The following TRRAP variants were observed in gnomAD, a reference collection of about 807,000 sequenced individuals.
TRRAP encodes the protein transformation/transcription domain-associated protein.
Under a neutral mutation model 438.8 loss-of-function variants are expected in TRRAP, and 41 were observed. The ratio of observed to expected loss-of-function variants is 0.09; its 90% CI spans 0.07 to 0.12. The LOEUF is 0.12. Among genes scored for constraint, TRRAP ranks in the 10% least tolerant of loss-of-function variants. The pLI is 1.00. For synonymous variants in TRRAP, 1,994 were observed against 1,962.9 expected (o/e 1.02, Z -0.42); for missense variants, 3,122 against 5,055.1 (o/e 0.62, Z 11.60).
At chr7:98,936,187 T>C (rs1342604716) in intron 28 of TRRAP, among the ~76,000 whole-genome samples, 1 of 152,244 alleles carries the variant, frequency 6.6e-6, no homozygotes, top group African/African-American at 2.4e-5. Context: ...TGAAGGTGAA[T>C]ACCCAATACA....
At chr7:98,990,697 G>A in intron 64 of TRRAP, 78 bp downstream of exon 64, 2 of 1,483,054 alleles carry the variant, frequency 1.3e-6, no homozygotes, top group Non-Finnish European at 1.8e-6. Flanking sequence ...CTCCCAGAAA[G>A]TAAATTTGAG....
Position 99,011,250 on chromosome 7 carries a change from G to T in TRRAP, c.11137G>T (p.Ala3713Ser). 1 of 1,614,146 alleles carries T rather than the reference G, an allele frequency of 6.2e-7. No individual in the cohort carries two copies. Among genetic ancestry groups the T allele is most frequent in the Non-Finnish European group, 8.5e-7 (1 of 1,180,028 alleles). Residue 3713 changes from alanine to serine, a missense_variant, in exon 71 of 73, where the codon GCT (alanine) becomes TCT (serine). By Grantham distance (99) the Ala-to-Ser change is moderately conservative (BLOSUM62 1). Transcript: ENST00000456197. The surrounding 1 kb of genome is among the most constrained non-coding windows in gnomAD (Gnocchi z 7.1). ...ACTCAACCCCGAGATGTTACAGATC[G>T]CTCAGGTAACCTGCTTTGAACAGCC... ...NRLNPEMLQI[A>S]QDTGKLNVAY...
intron 67 of TRRAP, among the ~76,000 whole-genome samples, chr7:99,003,099 T>TC (rs1487046335): frequency 6.6e-6 from 1 of 152,050 alleles, no homozygotes; most frequent in Non-Finnish European, 1.5e-5. Flanking sequence ...TCCTCGTGGC[T>TC]CCCCCAGGGC....
Position 98,994,590 on chromosome 7 carries a change from C to T in TRRAP, c.10051C>T (p.Leu3351Phe), listed in dbSNP as rs2116814869. The change falls in exon 67 of 73, where the codon CTC becomes TTC. Residue 3351 changes from leucine (L) to phenylalanine (F), a missense_variant. Transcript: ENST00000456197. The surrounding 1 kb of genome is among the most constrained non-coding windows in gnomAD (Gnocchi z 4.8). ...WFRENWHEEV[L>F]RQLQQGLAKC... ...GTCTCTGGCTCTTTTCTACCAGGTT[C>T]TCAGGCAGCTCCAACAGGGCCTGGC... is the stretch of plus-strand genomic sequence containing the variant. The T allele has an allele frequency of 9.3e-6, 15 of 1,614,054 alleles. No homozygotes were observed. Among genetic ancestry groups the T allele is most frequent in the Non-Finnish European group, 1.3e-5 (15 of 1,179,998 alleles).
intron 70 of TRRAP, among the ~76,000 whole-genome samples, chr7:99,008,928 T>G (rs1300154219): frequency 6.6e-6 from 1 of 152,204 alleles, no homozygotes. Flanking sequence ...GTTTATAGGC[T>G]TCATTCATCC....
At position 98,961,292 on chromosome 7, in the gene TRRAP, T is replaced by A; in HGVS notation, c.6521T>A (p.Ile2174Asn). The A allele has an allele frequency of 6.2e-7, 1 of 1,614,212 alleles. No individual in the cohort carries two copies. Among genetic ancestry groups the A allele is most frequent in the Non-Finnish European group, 8.5e-7 (1 of 1,180,030 alleles). Residue 2174 changes from isoleucine to asparagine, a missense_variant, in exon 46 of 73, where the codon ATC becomes AAC. By Grantham distance (149) the Ile-to-Asn change is moderately radical. Around this residue, in one of 24 missense-constraint regions of TRRAP, gnomAD observed 992 missense variants for 1,281.2 expected, o/e 0.77. Coordinates refer to ENST00000456197, the MANE Select transcript of TRRAP (RefSeq NM_001375524.1). ...CCAAACCAAGTGAACTATGGGAATA[T>A]CTGCACGGGCCTAGAAGTGCTGAGC... ...EQPNQVNYGN[I>N]CTGLEVLSFL...
intron 20 of TRRAP, among the ~76,000 whole-genome samples, chr7:98,918,133 AAG>A (rs1177543119): frequency 6.6e-6 from 1 of 151,702 alleles, no homozygotes; most frequent in South Asian, 2.1e-4. Context: ...AAAAAAAAAA[AAG>A]AGGAAATGTG....
intron 37 of TRRAP, 101 bp downstream of exon 37, chr7:98,949,942 G>T (rs1196764297): frequency 1.9e-6 from 3 of 1,565,918 alleles, no homozygotes; most frequent in Non-Finnish European, 2.6e-6. Context: ...CATTGGATGC[G>T]TGCAGTCAGA....
At position 99,004,292 on chromosome 7, in the gene TRRAP, A is replaced by G; in HGVS notation, c.10412A>G (p.Lys3471Arg). Residue 3471 changes from lysine to arginine, a missense_variant, in exon 68 of 73, where the codon AAA (lysine) becomes AGA (arginine). By Grantham distance (26) the Lys-to-Arg change is conservative. Around this residue, in one of 24 missense-constraint regions of TRRAP, gnomAD observed 107 missense variants for 327.5 expected, o/e 0.33. Coordinates refer to ENST00000456197, the MANE Select transcript of TRRAP (RefSeq NM_001375524.1). ...GAGGCCAAGACCAAGCAACTCCCCAAATTCTTCCTCATAGAGGAAAAGTGC... is the reference window on the plus strand; with the variant it reads ...GAGGCCAAGACCAAGCAACTCCCCAGATTCTTCCTCATAGAGGAAAAGTGC... ...ILEAKTKQLP[K>R]FFLIEEKCRF... The G allele has an allele frequency of 6.2e-7, 1 of 1,614,252 alleles. No individual in the cohort carries two copies. The highest frequency in any genetic ancestry group is 8.5e-7 in the Non-Finnish European group (1 of 1,180,054).
chr7:98,950,181 C>T lies in TRRAP; in HGVS notation c.5253C>T (p.Tyr1751=). ...EYMEEEIPKN[Y]SIAQKRALFF... ...TGGAGGAAGAGATTCCCAAAAATTA[C>T]AGCATCGCTCAGAAACGTGCCCTGT... The change falls in exon 38 of 73, where the codon TAC becomes TAT. Residue 1751 remains tyrosine, a synonymous_variant. Coordinates refer to ENST00000456197, the MANE Select transcript of TRRAP (RefSeq NM_001375524.1). The T allele has an allele frequency of 2.5e-6, 4 of 1,614,112 alleles. No individual in the cohort carries two copies. Among genetic ancestry groups the T allele is most frequent in the Non-Finnish European group, 3.4e-6 (4 of 1,179,994 alleles).
intron 59 of TRRAP, among the ~76,000 whole-genome samples, 187 bp downstream of exon 59, chr7:98,982,147 G>A (rs73161938): frequency 0.026 from 3,984 of 152,272 alleles, 75 homozygotes; most frequent in South Asian, 0.054. Context: ...AGAAAAACAT[G>A]TCGGTGTTTC....
chr7:98,984,068 A>G (rs773345458), intron 60 of TRRAP, 25 bp from the exon 61 acceptor site: 2 of 1,559,234 alleles, frequency 1.3e-6, no homozygotes, highest in Non-Finnish European at 8.7e-7. Context: ...GGTGTGGGCT[A>G]ATGATTCCTT....
intron 63 of TRRAP, among the ~76,000 whole-genome samples, chr7:98,989,812 A>G (rs983611190): frequency 2.5e-4 from 38 of 152,188 alleles, no homozygotes; most frequent in African/African-American, 8.7e-4. Flanking sequence ...TTTTGTTTGG[A>G]TGAGATCATG....
chr7:98,955,793 C>T (rs1791573146), intron 41 of TRRAP, among the ~76,000 whole-genome samples: 1 of 152,156 alleles, frequency 6.6e-6, no homozygotes, highest in African/African-American at 2.4e-5. Context: ...AGGAACTTTG[C>T]TTTTGGGTAT....
chr7:98,961,120 G>A (rs1026099916), intron 45 of TRRAP, 141 bp from the exon 46 acceptor site: 10 of 702,342 alleles, frequency 1.4e-5, no homozygotes, highest in Non-Finnish European at 2.2e-5. Context: ...TGTGAAATAC[G>A]ATTGTCATTC....
At chr7:98,987,352 G>C (rs747204226) in intron 62 of TRRAP, among the ~76,000 whole-genome samples, 46 of 152,310 alleles carry the variant, frequency 3.0e-4, no homozygotes, top group Admixed American at 9.8e-4. Flanking sequence ...TTGTGAACAC[G>C]AGATGTCTTT....
chr7:98,885,128 A>T (rs1045507098), intron 3 of TRRAP, among the ~76,000 whole-genome samples: 20 of 152,090 alleles, frequency 1.3e-4, no homozygotes, highest in African/African-American at 4.8e-4. Flanking sequence ...GATTAAAAAA[A>T]ATTTTAAGAG....
Position 99,005,794 on chromosome 7 carries a change from G to C in TRRAP, c.10753+446G>C, listed in dbSNP as rs987971762. Among the ~76,000 whole-genome samples, 2 of 151,888 alleles carry C rather than the reference G, an allele frequency of 1.3e-5. No individual in the cohort carries two copies. The highest frequency in any genetic ancestry group is 6.6e-5 in the Admixed American group (1 of 15,244). On this transcript the variant is annotated intron_variant, in intron 69 of 72. Transcript: ENST00000456197. The surrounding 1 kb of genome is among the most constrained non-coding windows in gnomAD (Gnocchi z 5.1). ...GGAAGCCAAAAGATTGGACATCCCTGTTCTAAGGTCTTTTGCACTCTACGG... is the reference window on the plus strand; with the variant it reads ...GGAAGCCAAAAGATTGGACATCCCTCTTCTAAGGTCTTTTGCACTCTACGG...
chr7:98,908,746 G>A lies in TRRAP; in HGVS notation c.1134G>A (p.Thr378=), dbSNP rs548114242. The A allele has an allele frequency of 6.5e-5, 101 of 1,554,852 alleles. No individual in the cohort carries two copies. The African/African-American group carries it at 8.2e-4, about 13-fold the overall frequency. ...CCCGCAGGCCCCTCGCCTACAGCAC[G>A]CTGGCCGACCTCGTGCACCATGTCC... ...RETLRPLAYS[T]LADLVHHVRQ... Residue 378 remains threonine, a synonymous_variant, in exon 14 of 73, where the codon ACG becomes ACA. Transcript: ENST00000456197. This position sits in a 1 kb window ranked among gnomAD's most constrained non-coding sequence, Gnocchi z 4.1.
Sources: allele counts gnomAD v4.1 joint callset (sites outside exome capture counted in the v4.1 genomes callset), GRCh38; gene constraint gnomAD v4.1.1; regional missense constraint gnomAD v4.1.1; non-coding constraint Gnocchi (gnomAD v3.1); transcripts MANE v1.5; gene names NCBI Gene and HGNC (gene_info 2026-07-23, HGNC 2026-07-21).